ACOXL: variants seen among roughly 807,000 people sequenced by gnomAD.
ACOXL encodes the protein acyl-coenzyme A oxidase-like protein.
ACOXL carries 70 observed loss-of-function variants against 71.9 expected under a neutral mutation model. That is an observed-to-expected ratio of 0.97 (90% confidence interval 0.80 to 1.19). The LOEUF (loss-of-function observed/expected upper bound fraction) is 1.19, where lower values mean the gene tolerates loss of function less well. ACOXL is among the 50% of genes most tolerant of loss of function. The pLI is 0.00. For synonymous variants in ACOXL, 253 were observed against 281.6 expected, an observed-to-expected ratio of 0.90 and a Z score of 1.02; for missense variants, 703 against 736.3, an observed-to-expected ratio of 0.95 and a Z score of 0.52.
chr2:110,786,544 C>T (rs897911255), intron 3 of ACOXL, among the ~76,000 whole-genome samples: 1 of 152,176 alleles, frequency 6.6e-6, no homozygotes, highest in African/African-American at 2.4e-5. Context: ...CTCTCATGAT[C>T]CCCAGTTTGT....
intron 1 of ACOXL, among the ~76,000 whole-genome samples, chr2:110,736,453 G>A (rs1053538396): frequency 7.9e-5 from 12 of 152,054 alleles, no homozygotes; most frequent in Admixed American, 2.0e-4. Context: ...ACTATTCCAG[G>A]TACCATATAA....
chr2:111,014,947 A>G (rs1051784011), intron 14 of ACOXL, among the ~76,000 whole-genome samples: 12 of 152,260 alleles, frequency 7.9e-5, no homozygotes, highest in Non-Finnish European at 5.9e-5. Context: ...TCTTTTCTGC[A>G]TAATACACAA....
At chr2:111,096,639 A>C (rs2068817494) in intron 17 of ACOXL, among the ~76,000 whole-genome samples, 1 of 152,198 alleles carries the variant, frequency 6.6e-6, no homozygotes, top group Admixed American at 6.5e-5. Flanking sequence ...GTCTGTAGCT[A>C]ATAATTCCGA....
At chr2:110,805,177 G>A (rs1686477492) in intron 8 of ACOXL, 86 bp from the exon 9 acceptor site, 3 of 1,543,030 alleles carry the variant, frequency 1.9e-6, no homozygotes, top group African/African-American at 2.7e-5. Context: ...GTGCTTCCCT[G>A]TGTATGCACA....
At chr2:110,968,177 C>G in intron 12 of ACOXL, 1 of 1,161,156 alleles carries the variant, frequency 8.6e-7, no homozygotes, top group Non-Finnish European at 1.3e-6. Flanking sequence ...AGGTTTGGCA[C>G]AGACAACATC....
At chr2:110,943,164 AAAAG>A (rs1440983779) in intron 12 of ACOXL, among the ~76,000 whole-genome samples, 4 of 44,638 alleles carry the variant, frequency 9.0e-5, no homozygotes, top group South Asian at 2.3e-3. Flanking sequence ...AAGAAAAAGA[AAAAG>A]GGAGGGAGGG....
chr2:111,060,976 A>G (rs183205288), intron 16 of ACOXL, among the ~76,000 whole-genome samples: 1 of 152,338 alleles, frequency 6.6e-6, no homozygotes, highest in East Asian at 1.9e-4. Flanking sequence ...TCTGTACAAC[A>G]GAAAGAAGAT....
At chr2:110,751,516 CT>C (rs1269944827) in intron 1 of ACOXL, among the ~76,000 whole-genome samples, 1 of 152,100 alleles carries the variant, frequency 6.6e-6, no homozygotes, top group Non-Finnish European at 1.5e-5. Context: ...ATTCTTCCCC[CT>C]AAATAACTCA....
intron 12 of ACOXL, among the ~76,000 whole-genome samples, chr2:110,957,596 C>T (rs1045322193): frequency 5.3e-5 from 8 of 152,194 alleles, no homozygotes; most frequent in Admixed American, 1.3e-4. Context: ...TGTCTTCACA[C>T]GTTCCTCTGT....
At chr2:110,957,999 A>G (rs837561) in intron 12 of ACOXL, among the ~76,000 whole-genome samples, 148,149 of 149,500 alleles carry the variant, frequency 0.99, 73,418 homozygotes, top group Middle Eastern at 1. Flanking sequence ...GCAGTGAGGC[A>G]AGATCACGCT....
intron 15 of ACOXL, among the ~76,000 whole-genome samples, chr2:111,033,480 T>C (rs894714386): frequency 3.9e-5 from 6 of 152,160 alleles, no homozygotes; most frequent in African/African-American, 1.4e-4. Flanking sequence ...TTGCAGGAAG[T>C]CACACTATCA....
intron 10 of ACOXL, among the ~76,000 whole-genome samples, chr2:110,862,097 C>A (rs879922105): frequency 6.6e-6 from 1 of 152,206 alleles, no homozygotes; most frequent in Non-Finnish European, 1.5e-5. Flanking sequence ...AATAGTGAGG[C>A]CTTCGAACCG....
intron 1 of ACOXL, among the ~76,000 whole-genome samples, chr2:110,742,952 T>C (rs920688738): frequency 4.6e-5 from 7 of 152,230 alleles, no homozygotes; most frequent in African/African-American, 1.7e-4. Context: ...CATTTTAAAG[T>C]GTACAATTCA....
At position 110,867,832 on chromosome 2, in the gene ACOXL, G is replaced by A. The variant is rs1180768895; in HGVS notation, c.788+26427G>A. 7.2e-5 allele frequency among the ~76,000 whole-genome samples: 11 copies of A among 151,898 alleles called. 1 individual carries two copies. Among genetic ancestry groups the A allele is most frequent in the Admixed American group, 6.6e-5 (1 of 15,250 alleles). ...AGCTGGAGTGCAGTGGCATGATCTC[G>A]GCTCACTGCAAGCTCTGCCTCTTGG... On this transcript the variant is annotated intron_variant, in intron 10 of 17. Transcript: ENST00000439055.
At chr2:110,819,917 A>G (rs1688396806) in intron 9 of ACOXL, among the ~76,000 whole-genome samples, 1 of 152,144 alleles carries the variant, frequency 6.6e-6, no homozygotes. Flanking sequence ...TGTACAAATT[A>G]CTTAACCTCT....
chr2:110,748,106 T>C (rs940102602), intron 1 of ACOXL, among the ~76,000 whole-genome samples: 2 of 152,144 alleles, frequency 1.3e-5, no homozygotes, highest in African/African-American at 2.4e-5. Context: ...GGCTTAGTGA[T>C]AATGTGAAAA....
chr2:110,954,494 T>C (rs1415304065), intron 12 of ACOXL, among the ~76,000 whole-genome samples: 3 of 152,202 alleles, frequency 2.0e-5, no homozygotes, highest in Non-Finnish European at 4.4e-5. Flanking sequence ...TACTTATGCT[T>C]ATTTTGTGGC....
chr2:111,002,366 G>A (rs1477738642), intron 14 of ACOXL, among the ~76,000 whole-genome samples: 3 of 152,098 alleles, frequency 2.0e-5, no homozygotes, highest in Non-Finnish European at 4.4e-5. Flanking sequence ...AAAAGTTTTG[G>A]CATTGATATA....
chr2:111,093,020 G>C (rs2068617222), intron 17 of ACOXL, 54 bp downstream of exon 17: 3 of 1,452,520 alleles, frequency 2.1e-6, no homozygotes, highest in Admixed American at 1.8e-5. Context: ...TGGTCTCCTT[G>C]CTTTCTTAGA....
Sources: gnomAD v4.1 joint callset for allele counts (sites outside exome capture counted in the v4.1 genomes callset) on GRCh38, gnomAD v4.1.1 for gene constraint, MANE v1.5 for transcripts, NCBI Gene and HGNC (gene_info 2026-07-23, HGNC 2026-07-21) for gene names.